TPX2: variants seen among roughly 807,000 people sequenced by gnomAD.
TPX2 encodes the protein targeting protein for Xklp2.
A neutral mutation model predicts 93.6 loss-of-function variants in TPX2; 21 were observed. The observed-to-expected ratio is 0.22, with a 90% CI of 0.16 to 0.32. The LOEUF (loss-of-function observed/expected upper bound fraction) is 0.32, where lower values mean the gene tolerates loss of function less well. TPX2 is among the 10% of genes least tolerant of loss of function. The pLI, the probability that TPX2 is intolerant of heterozygous loss-of-function variation, is 1.00. For synonymous variants in TPX2, 281 were observed against 298.3 expected (o/e 0.94, Z 0.60); for missense variants, 776 against 871.1 (o/e 0.89, Z 1.37).
intron 14 of TPX2, 89 bp from the exon 15 acceptor site, chr20:31,794,313 T>G: frequency 5.3e-6 from 8 of 1,511,218 alleles, no homozygotes; most frequent in Non-Finnish European, 6.2e-6. Flanking sequence ...GTTTCCTTCC[T>G]TATTTTTCAG....
Position 31,777,773 on chromosome 20 carries a change from A to G in TPX2, c.882+135A>G, listed in dbSNP as rs565962823. 18 of 961,664 alleles carry G rather than the reference A, an allele frequency of 1.9e-5. 1 individual carries two copies. In the East Asian group the frequency reaches 2.1e-4, roughly 11 times the overall value. The allele number at this position is 961,664 out of a possible 1,614,324, so 59.6% of individuals were successfully genotyped here. ...GTGTCTATAAAGTTGTGTAAAATAT[A>G]ACAGATCTTTTTTTTTTTTTGAGAT... On this transcript the variant is annotated intron_variant, in intron 9 of 17. Transcript: ENST00000300403.
intron 15 of TPX2, among the ~76,000 whole-genome samples, chr20:31,795,242 T>A (rs904240902): frequency 6.6e-6 from 1 of 152,186 alleles, no homozygotes; most frequent in Non-Finnish European, 1.5e-5. Flanking sequence ...CAAGTGATTC[T>A]CCCACCTCAG....
intron 4 of TPX2, 97 bp from the exon 5 acceptor site, chr20:31,766,459 G>GTGTGTGTGTGTGTGTGTGTGTA (rs1568926960): frequency 1.1e-6 from 1 of 883,036 alleles, no homozygotes; most frequent in Non-Finnish European, 1.7e-6. Context: ...GACAGGGTGT[G>GTGTGTGTGTGTGTGTGTGTGTA]TGTGTGTGTG....
Position 31,792,744 on chromosome 20 carries a change from G to A in TPX2, c.1423G>A (p.Glu475Lys). 2 of 1,614,122 alleles carry A rather than the reference G, an allele frequency of 1.2e-6. No homozygotes were observed. Among genetic ancestry groups the A allele is most frequent in the Non-Finnish European group, 1.7e-6 (2 of 1,180,002 alleles). ...TGCTTACTCCTTTCAGGGTGTTCCT[G>A]AAAAGAAGGTACTTCCAATCACCGT... ...KILEDVVGVP[E>K]KKVLPITVPK... is the part of the protein sequence containing the mutation. Residue 475 changes from glutamate (E) to lysine (K), a missense_variant, in exon 13 of 18, where the codon GAA becomes AAA. Glu to Lys is a moderately conservative substitution (Grantham distance 56, BLOSUM62 1). Coordinates refer to ENST00000300403, the MANE Select transcript of TPX2 (RefSeq NM_012112.5).
chr20:31,770,047 G>GC (rs2061955238), intron 5 of TPX2, among the ~76,000 whole-genome samples: 1 of 152,100 alleles, frequency 6.6e-6, no homozygotes, highest in African/African-American at 2.4e-5. Context: ...CAGTCCTCCT[G>GC]CCGCAGCTTT....
At chr20:31,742,340 G>C (rs1477724434) in intron 1 of TPX2, among the ~76,000 whole-genome samples, 3 of 151,950 alleles carry the variant, frequency 2.0e-5, no homozygotes, top group Non-Finnish European at 4.4e-5. Context: ...ACCATGCCTG[G>C]CTAATTTTTG....
At chr20:31,753,275 A>C (rs927372476) in intron 2 of TPX2, among the ~76,000 whole-genome samples, 1 of 152,234 alleles carries the variant, frequency 6.6e-6, no homozygotes, top group South Asian at 2.1e-4. Context: ...CACGAGCCTC[A>C]GGTCCAGATC....
intron 7 of TPX2, 63 bp downstream of exon 7, chr20:31,771,745 A>G: frequency 6.4e-7 from 1 of 1,551,316 alleles, no homozygotes; most frequent in Non-Finnish European, 8.7e-7. Flanking sequence ...ATTTACATCT[A>G]CAACCTGTTT....
At chr20:31,759,905 A>C (rs1231059406) in intron 3 of TPX2, 152 bp from the exon 4 acceptor site, 1 of 962,332 alleles carries the variant, frequency 1.0e-6, no homozygotes, top group Non-Finnish European at 1.5e-6. Context: ...TGTAATGTGT[A>C]CTTTTTCTTT....
At chr20:31,744,159 C>CTTTTTTTTTTTTTTTTTTTTTTTTTTTTT (rs11465034) in intron 2 of TPX2, among the ~76,000 whole-genome samples, 1 of 112,270 alleles carries the variant, frequency 8.9e-6, no homozygotes, top group African/African-American at 3.7e-5. Context: ...ATTTTTTTAA[C>CTTTTTTTTTTTTTTTTTTTTTTTTTTTTT]TTTTTTTTTT....
intron 3 of TPX2, 104 bp downstream of exon 3, chr20:31,757,686 A>T (rs1000964240): frequency 9.9e-6 from 8 of 809,300 alleles, no homozygotes; most frequent in Non-Finnish European, 1.6e-5. Context: ...TAAAATATCA[A>T]CTTCTTTCTG....
chr20:31,743,726 G>GC (rs2061766578), intron 2 of TPX2, among the ~76,000 whole-genome samples: 1 of 134,626 alleles, frequency 7.4e-6, no homozygotes, highest in East Asian at 2.2e-4. Flanking sequence ...TACAGATGCA[G>GC]TTTTTTTTTT....
chr20:31,797,441 G>A lies in TPX2; in HGVS notation c.1871G>A (p.Cys624Tyr). 1 of 1,614,102 alleles carries A rather than the reference G, an allele frequency of 6.2e-7. No homozygotes were observed. Among genetic ancestry groups the A allele is most frequent in the Non-Finnish European group, 8.5e-7 (1 of 1,179,968 alleles). Reference protein sequence around the residue: ...EELRQQKEAACFKARPNTVIS... With the variant: ...EELRQQKEAAYFKARPNTVIS... ...CTGAGACAGCAGAAAGAAGCAGCTT[G>A]TTTCAAGGCTCGTCCAAACACCGTC... is the stretch of plus-strand genomic sequence containing the variant. The change falls in exon 16 of 18, where the codon TGT (cysteine) becomes TAT (tyrosine). Residue 624 changes from cysteine to tyrosine, a missense_variant. By Grantham distance (194) the Cys-to-Tyr change is radical (BLOSUM62 -2). Around this residue, in one of 3 missense-constraint regions of TPX2, gnomAD observed 461 missense variants for 551.2 expected, o/e 0.84. Transcript: ENST00000300403.
rs377124974 is a variant in TPX2 at position 31,801,104 on chromosome 20, C to T, written c.*24C>T. 9.1e-5 allele frequency: 146 copies of T among 1,605,580 alleles called. No individual in the cohort carries two copies. The highest frequency in any genetic ancestry group is 1.2e-4 in the Non-Finnish European group (140 of 1,172,318). On this transcript the variant is annotated 3_prime_UTR_variant, in exon 18 of 18. Coordinates refer to ENST00000300403, the MANE Select transcript of TPX2 (RefSeq NM_012112.5). ...AAACTCAGCTGTGAGCTGCGGATAC[C>T]GCCCGGCAATGGGACCTGCTCTTAA...
chr20:31,767,365 GCTCT>G (rs1431822639), intron 5 of TPX2, among the ~76,000 whole-genome samples: 1 of 150,086 alleles, frequency 6.7e-6, no homozygotes, highest in African/African-American at 2.5e-5. Flanking sequence ...TATTACTTTA[GCTCT>G]CTTTTTCTTT....
rs762341487 is a variant in TPX2 at position 31,777,578 on chromosome 20, C to T, written c.822C>T (p.Asn274=). The T allele has an allele frequency of 2.5e-6, 4 of 1,614,118 alleles. No homozygotes were observed. The Admixed American group carries it at 5.0e-5, about 20-fold the overall frequency. The change falls in exon 9 of 18, where the codon AAC becomes AAT. Residue 274 remains asparagine, a synonymous_variant. Transcript: ENST00000300403. ...AGCGAATCAAACAACATCCTAAGAA[C>T]CAGGAGGAATATAAGGAAGTGAACT... The part of the protein sequence containing the change: ...TDERIKQHPK[N]QEEYKEVNFT...
chr20:31,764,960 GT>G (rs111384414), intron 4 of TPX2, among the ~76,000 whole-genome samples: 30 of 141,662 alleles, frequency 2.1e-4, no homozygotes, highest in South Asian at 2.2e-4. Flanking sequence ...TTTTGTTTTT[GT>G]TTTTTTTTTT....
intron 12 of TPX2, among the ~76,000 whole-genome samples, chr20:31,786,444 A>G (rs1337780663): frequency 7.1e-6 from 1 of 140,700 alleles, no homozygotes; most frequent in Admixed American, 7.2e-5. Flanking sequence ...TGCCCAGGCT[A>G]GAGTGCAGAA....
chr20:31,798,297 A>T, intron 16 of TPX2, 68 bp from the exon 17 acceptor site: 4 of 1,599,966 alleles, frequency 2.5e-6, no homozygotes, highest in South Asian at 1.1e-5. Context: ...CCACTTGCTC[A>T]TTCCAGGGGG....
Sources: allele counts gnomAD v4.1 joint callset (sites outside exome capture counted in the v4.1 genomes callset), GRCh38; gene constraint gnomAD v4.1.1; regional missense constraint gnomAD v4.1.1; transcripts MANE v1.5; gene names NCBI Gene and HGNC (gene_info 2026-07-23, HGNC 2026-07-21).